Variants in DTNB observed in about 807,000 individuals in gnomAD.
DTNB encodes DTN-B.
Under a neutral mutation model 90.7 loss-of-function variants are expected in DTNB, and 63 were observed. The observed-to-expected ratio is 0.69, with a 90% CI of 0.57 to 0.86. The LOEUF (loss-of-function observed/expected upper bound fraction) is 0.86, where lower values mean the gene tolerates loss of function less well. Ranked by LOEUF, DTNB falls within the 40% of genes least tolerant of loss-of-function variation. The probability of loss-of-function intolerance (pLI) is 0.00; values close to 1 mark genes in which losing one functional copy is unlikely to be tolerated. For synonymous variants in DTNB, 277 were observed against 286.7 expected, an observed-to-expected ratio of 0.97 and a Z score of 0.34; for missense variants, 744 against 807.1, an observed-to-expected ratio of 0.92 and a Z score of 0.95.
At chr2:25,616,936 AAAAAAAAAAAAAAAAAGG>A (rs2070832120) in intron 4 of DTNB, among the ~76,000 whole-genome samples, 2 of 70,000 alleles carry the variant, frequency 2.9e-5, no homozygotes, top group Admixed American at 1.4e-4. Context: ...CGTCTCAAAA[AAAAAAAAAAAAAAAAAGG>A]AAAAAAAAGA....
intron 2 of DTNB, among the ~76,000 whole-genome samples, chr2:25,642,811 T>C (rs941126317): frequency 6.6e-6 from 1 of 151,840 alleles, no homozygotes; most frequent in African/African-American, 2.4e-5. Flanking sequence ...TAGAGTGCAG[T>C]GGCGCGATCT....
At chr2:25,669,446 G>A (rs1355377352) in intron 1 of DTNB, among the ~76,000 whole-genome samples, 1 of 152,052 alleles carries the variant, frequency 6.6e-6, no homozygotes, top group African/African-American at 2.4e-5. Context: ...TTAACACCAT[G>A]AGAGACAGAA....
At chr2:25,623,668 A>C (rs1324862176) in intron 4 of DTNB, among the ~76,000 whole-genome samples, 1 of 152,210 alleles carries the variant, frequency 6.6e-6, no homozygotes, top group Non-Finnish European at 1.5e-5. Context: ...CTAGGCCTCA[A>C]ATTATCCCTG....
intron 10 of DTNB, among the ~76,000 whole-genome samples, chr2:25,478,679 C>A (rs1382103868): frequency 6.6e-6 from 1 of 152,096 alleles, no homozygotes; most frequent in African/African-American, 2.4e-5. Context: ...CTTTTCTTGG[C>A]AGTATACTCT....
At chr2:25,603,099 C>T (rs927386819) in intron 5 of DTNB, among the ~76,000 whole-genome samples, 2 of 152,256 alleles carry the variant, frequency 1.3e-5, no homozygotes, top group Non-Finnish European at 2.9e-5. Context: ...GTAGCACCAG[C>T]TTTTTAACGA....
chr2:25,535,683 AAT>A (rs2079456442), intron 8 of DTNB, among the ~76,000 whole-genome samples: 1 of 91,318 alleles, frequency 1.1e-5, no homozygotes, highest in African/African-American at 4.5e-5. Context: ...CATCCCAGAC[AAT>A]GGGCGGCCAG....
chr2:25,377,847 T>C lies in DTNB; in HGVS notation c.*30-294A>G, dbSNP rs140184315. On this transcript the variant is annotated intron_variant, in intron 20 of 20. Coordinates refer to ENST00000406818, the MANE Select transcript of DTNB (RefSeq NM_021907.5). ...GGCAGGGAGGACTGAGGTGTGCCGA[T>C]GAATACTAAGAGGAAAGGGAGGAAG... Among the ~76,000 whole-genome samples, 79 of 152,178 alleles carry C rather than the reference T, an allele frequency of 5.2e-4. No homozygotes were observed. In the East Asian group the frequency reaches 0.014, roughly 28 times the overall value.
At chr2:25,602,529 G>C (rs1044426552) in intron 5 of DTNB, among the ~76,000 whole-genome samples, 29 of 152,142 alleles carry the variant, frequency 1.9e-4, no homozygotes. Flanking sequence ...CTGAACAGGT[G>C]AAACTGTTTA....
chr2:25,473,070 G>A (rs1042197311), intron 10 of DTNB, among the ~76,000 whole-genome samples: 9 of 152,160 alleles, frequency 5.9e-5, no homozygotes, highest in African/African-American at 1.2e-4. Context: ...AATCAGATTC[G>A]CATTTCAGAA....
chr2:25,380,188 C>T (rs1193690500), intron 19 of DTNB, among the ~76,000 whole-genome samples: 2 of 152,136 alleles, frequency 1.3e-5, no homozygotes, highest in African/African-American at 2.4e-5. Context: ...ATGGTGCTGA[C>T]CAAATTCTGT....
intron 19 of DTNB, 194 bp downstream of exon 19, chr2:25,383,642 T>C (rs2038545709): frequency 8.5e-7 from 1 of 1,183,410 alleles, no homozygotes; most frequent in Non-Finnish European, 1.2e-6. Flanking sequence ...AGGAAGCTCT[T>C]GGTGATCGAC....
At chr2:25,427,858 A>G in intron 14 of DTNB, 1 of 370,848 alleles carries the variant, frequency 2.7e-6, no homozygotes, top group South Asian at 5.7e-5. Context: ...AGATGACTAT[A>G]TAAAGGTATT....
chr2:25,469,274 G>T (rs1161826289), intron 10 of DTNB, among the ~76,000 whole-genome samples: 1 of 152,102 alleles, frequency 6.6e-6, no homozygotes, highest in African/African-American at 2.4e-5. Context: ...GGATAAAGAG[G>T]GTGCCGGGCA....
chr2:25,590,967 C>A (rs750647158), intron 6 of DTNB, among the ~76,000 whole-genome samples: 1 of 152,258 alleles, frequency 6.6e-6, no homozygotes, highest in Non-Finnish European at 1.5e-5. Context: ...GGCCCGTGGC[C>A]TTCCTCCCAT....
chr2:25,590,165 G>A (rs2063277778), intron 6 of DTNB, among the ~76,000 whole-genome samples: 1 of 152,222 alleles, frequency 6.6e-6, no homozygotes, highest in East Asian at 1.9e-4. Context: ...CCCGGCCTGG[G>A]GAGCTCCTAC....
intron 1 of DTNB, among the ~76,000 whole-genome samples, chr2:25,669,303 T>TA (rs1209883211): frequency 2.6e-5 from 4 of 152,212 alleles, no homozygotes; most frequent in Admixed American, 1.3e-4. Flanking sequence ...TAAAAAAAGT[T>TA]AGAGTGCTGA....
chr2:25,455,371 C>A, intron 11 of DTNB, 34 bp downstream of exon 11: 1 of 1,554,680 alleles, frequency 6.4e-7, no homozygotes, highest in South Asian at 1.2e-5. Context: ...TCTGATCACC[C>A]GTGGCTACCC....
At chr2:25,601,356 G>GT (rs2065840582) in intron 5 of DTNB, among the ~76,000 whole-genome samples, 1 of 152,056 alleles carries the variant, frequency 6.6e-6, no homozygotes, top group Non-Finnish European at 1.5e-5. Context: ...TTCCCTAACA[G>GT]TTATTTCCAG....
At chr2:25,472,146 A>C (rs957104007) in intron 10 of DTNB, among the ~76,000 whole-genome samples, 1 of 152,164 alleles carries the variant, frequency 6.6e-6, no homozygotes, top group African/African-American at 2.4e-5. Flanking sequence ...GGGAGTCTAC[A>C]CCCTCAAAGA....
Sources: allele counts gnomAD v4.1 joint callset (sites outside exome capture counted in the v4.1 genomes callset), GRCh38; gene constraint gnomAD v4.1.1; transcripts MANE v1.5; gene names NCBI Gene and HGNC (gene_info 2026-07-23, HGNC 2026-07-21).